PLB1: variants seen among roughly 807,000 people sequenced by gnomAD.
PLB1 encodes phospholipase B1, membrane-associated.
In PLB1, 242 loss-of-function variants were observed where a neutral mutation model predicts 227.4. The ratio of observed to expected loss-of-function variants is 1.06; its 90% CI spans 0.96 to 1.18. The LOEUF (loss-of-function observed/expected upper bound fraction) is 1.18, where lower values mean the gene tolerates loss of function less well. Ranked by LOEUF, PLB1 falls within the 50% of genes most tolerant of loss-of-function variation. The pLI, the probability that PLB1 is intolerant of heterozygous loss-of-function variation, is 0.00. For synonymous variants in PLB1, 757 were observed against 682.2 expected (o/e 1.11, Z -1.71); for missense variants, 1,858 against 1,816.3 (o/e 1.02, Z -0.42).
intron 44 of PLB1, among the ~76,000 whole-genome samples, chr2:28,616,052 T>C (rs1460353158): frequency 6.6e-6 from 1 of 152,096 alleles, no homozygotes; most frequent in East Asian, 1.9e-4. Flanking sequence ...GTATAAATAG[T>C]GGTTATTAGA....
chr2:28,580,382 C>T (rs968090375), intron 23 of PLB1, among the ~76,000 whole-genome samples: 4 of 152,210 alleles, frequency 2.6e-5, no homozygotes, highest in African/African-American at 9.6e-5. Flanking sequence ...AAGCAGACAT[C>T]AGGATGTTGT....
intron 3 of PLB1, among the ~76,000 whole-genome samples, chr2:28,519,258 C>T (rs987277430): frequency 1.3e-5 from 2 of 152,202 alleles, no homozygotes; most frequent in African/African-American, 2.4e-5. Context: ...TATGTGTTCA[C>T]AGGCTTTGAA....
At chr2:28,503,809 T>G (rs570281303) in intron 1 of PLB1, among the ~76,000 whole-genome samples, 1 of 152,196 alleles carries the variant, frequency 6.6e-6, no homozygotes, top group Non-Finnish European at 1.5e-5. Flanking sequence ...CAAAGTCATT[T>G]CTGCTGCTTC....
At chr2:28,543,184 G>A (rs200681071) in intron 13 of PLB1, 28 bp from the exon 14 acceptor site, 14 of 1,593,594 alleles carry the variant, frequency 8.8e-6, no homozygotes, top group South Asian at 2.3e-5. Flanking sequence ...GAGACAAAAG[G>A]TCCCGCTGTC....
At chr2:28,550,345 G>A (rs1195505278) in intron 16 of PLB1, among the ~76,000 whole-genome samples, 1 of 149,224 alleles carries the variant, frequency 6.7e-6, no homozygotes, top group Non-Finnish European at 1.5e-5. Context: ...GCTAATTTTT[G>A]TATTTTTTTT....
Position 28,548,842 on chromosome 2 carries a change from G to T in PLB1, c.937-18G>T, listed in dbSNP as rs775314150. 1 of 1,613,862 alleles carries T rather than the reference G, an allele frequency of 6.2e-7. No homozygotes were observed. The highest frequency in any genetic ancestry group is 1.1e-5 in the South Asian group (1 of 91,052). On this transcript the variant is annotated intron_variant, in intron 14 of 57. Transcript: ENST00000327757. ...CTGCACAAAACTTCCCTGTTCTAAA[G>T]CCCACGTTCCTTTCTAGATGGAGCC...
intron 33 of PLB1, among the ~76,000 whole-genome samples, chr2:28,597,413 A>C (rs1325529273): frequency 7.6e-6 from 1 of 131,422 alleles, no homozygotes; most frequent in African/African-American, 2.5e-5. Context: ...TGTGTGTCCT[A>C]CTCAATTTAT....
intron 23 of PLB1, among the ~76,000 whole-genome samples, chr2:28,581,369 A>C (rs1036514663): frequency 6.0e-5 from 9 of 149,556 alleles, no homozygotes; most frequent in African/African-American, 2.2e-4. Flanking sequence ...GGCTGCTCAG[A>C]TTGCAGGAGA....
At chr2:28,620,413 A>G in intron 47 of PLB1, 81 bp downstream of exon 47, 1 of 1,417,272 alleles carries the variant, frequency 7.1e-7, no homozygotes, top group South Asian at 1.3e-5. Flanking sequence ...TCACCCCTCC[A>G]GGGATGCAGT....
intron 9 of PLB1, among the ~76,000 whole-genome samples, chr2:28,537,134 G>A (rs1400263714): frequency 6.6e-6 from 1 of 152,094 alleles, no homozygotes; most frequent in African/African-American, 2.4e-5. Context: ...CCTCCCAGAA[G>A]CCAGCCTCAC....
intron 33 of PLB1, 125 bp from the exon 34 acceptor site, chr2:28,597,880 C>G: frequency 1.1e-6 from 1 of 885,708 alleles, no homozygotes; most frequent in Non-Finnish European, 1.9e-6. Flanking sequence ...AGAGATGGGT[C>G]TGGCCCATCT....
chr2:28,617,336 A>T (rs1686331404), intron 44 of PLB1, among the ~76,000 whole-genome samples: 1 of 152,212 alleles, frequency 6.6e-6, no homozygotes, highest in Admixed American at 6.5e-5. Flanking sequence ...TAAAACACAC[A>T]TACCTGTAAT....
intron 41 of PLB1, among the ~76,000 whole-genome samples, chr2:28,605,548 C>G (rs1684550001): frequency 6.6e-6 from 1 of 152,126 alleles, no homozygotes. Context: ...GGATCCCACT[C>G]CTTCATCTGT....
chr2:28,561,255 C>A (rs1195557920), intron 17 of PLB1, among the ~76,000 whole-genome samples: 2 of 152,186 alleles, frequency 1.3e-5, no homozygotes, highest in African/African-American at 2.4e-5. Context: ...CCAGCCACTG[C>A]TTCGTGTTCA....
At chr2:28,582,553 A>C (rs768255932) in intron 25 of PLB1, 48 bp downstream of exon 25, 5 of 1,398,456 alleles carry the variant, frequency 3.6e-6, no homozygotes, top group Non-Finnish European at 5.0e-6. Flanking sequence ...CTCACTGCTA[A>C]GGGCAGTGGC....
intron 56 of PLB1, among the ~76,000 whole-genome samples, chr2:28,634,635 C>T (rs939002280): frequency 3.3e-5 from 5 of 152,064 alleles, no homozygotes; most frequent in South Asian, 2.1e-4. Flanking sequence ...TGGCCAGGCA[C>T]GGTGGCTCAT....
chr2:28,538,465 C>T lies in PLB1; in HGVS notation c.618+84C>T, dbSNP rs1317541079. On this transcript the variant is annotated intron_variant, in intron 10 of 57. Transcript: ENST00000327757. The stretch of plus-strand genomic sequence containing the variant: ...GCCTCCACCGGGGTGGGGAAATGGA[C>T]CCCTGTGAGGGAGACTGGGACCCTC... The T allele has an allele frequency of 2.3e-6, 3 of 1,297,710 alleles. No homozygotes were observed. The Admixed American group carries it at 5.9e-5, about 26-fold the overall frequency. The allele number at this position is 1,297,710 out of a possible 1,614,324, so 80.4% of individuals were successfully genotyped here. A position where few individuals can be genotyped will look rare whatever the true frequency, so the allele number is the denominator to read the frequency against.
chr2:28,590,785 G>A (rs959755962), intron 29 of PLB1, among the ~76,000 whole-genome samples: 6 of 152,138 alleles, frequency 3.9e-5, no homozygotes, highest in Admixed American at 6.5e-5. Flanking sequence ...AAAGGAGCCT[G>A]GGGAGCGGAG....
intron 23 of PLB1, among the ~76,000 whole-genome samples, chr2:28,581,402 A>AT (rs1478584681): frequency 7.8e-6 from 1 of 127,474 alleles, no homozygotes; most frequent in African/African-American, 3.1e-5. Context: ...CTGCTCGGAC[A>AT]TCCCCATGTT....
Sources: gnomAD v4.1 joint callset for allele counts (sites outside exome capture counted in the v4.1 genomes callset) on GRCh38, gnomAD v4.1.1 for gene constraint, MANE v1.5 for transcripts, NCBI Gene and HGNC (gene_info 2026-07-23, HGNC 2026-07-21) for gene names.